The following VRTN variants were observed in gnomAD, a reference collection of about 807,000 sequenced individuals.
VRTN encodes vertnin.
Under a neutral mutation model 18.2 loss-of-function variants are expected in VRTN, and 5 were observed. The observed-to-expected ratio is 0.27, with a 90% CI of 0.14 to 0.58. The LOEUF (loss-of-function observed/expected upper bound fraction) is 0.58. Ranked by LOEUF, VRTN falls within the 20% of genes least tolerant of loss-of-function variation. The pLI is 0.91. For synonymous variants in VRTN, 381 were observed against 393.7 expected (o/e 0.97, Z 0.38); for missense variants, 741 against 939.4 (o/e 0.79, Z 2.76).
intron 1 of VRTN, among the ~76,000 whole-genome samples, chr14:74,304,692 C>A (rs1044308479): frequency 2.0e-5 from 3 of 152,048 alleles, no homozygotes; most frequent in Non-Finnish European, 4.4e-5. Context: ...GGAGAAAGGA[C>A]CAAAATTCCA....
intron 1 of VRTN, among the ~76,000 whole-genome samples, chr14:74,349,906 G>A (rs1864338755): frequency 6.6e-6 from 1 of 152,174 alleles, no homozygotes; most frequent in African/African-American, 2.4e-5. Context: ...TCAGGCAAGA[G>A]GAGGGGATGA....
intron 1 of VRTN, among the ~76,000 whole-genome samples, chr14:74,311,705 C>T (rs927328936): frequency 5.3e-5 from 8 of 151,694 alleles, no homozygotes. Context: ...CCACCGCTCC[C>T]GGCCGCAGCT....
chr14:74,328,651 G>A (rs538688026), intron 1 of VRTN, among the ~76,000 whole-genome samples: 7 of 152,300 alleles, frequency 4.6e-5, no homozygotes, highest in Non-Finnish European at 1.0e-4. Context: ...AAAAAACGAG[G>A]TAATTTTATA....
intron 1 of VRTN, among the ~76,000 whole-genome samples, chr14:74,331,547 TATATATATATATATATATATATATA>T (rs1567041652): frequency 1.9e-4 from 5 of 26,726 alleles, no homozygotes; most frequent in African/African-American, 1.3e-3. Context: ...AAAAATTTTA[TATATATATATATATATATATATATA>T]TATATATATA....
chr14:74,319,370 T>C (rs553616437), intron 1 of VRTN, among the ~76,000 whole-genome samples: 35 of 152,234 alleles, frequency 2.3e-4, no homozygotes, highest in Middle Eastern at 6.8e-3. Context: ...ATTTTGACAA[T>C]AGAGACAATC....
intron 1 of VRTN, among the ~76,000 whole-genome samples, chr14:74,327,378 C>T (rs927924699): frequency 5.3e-5 from 8 of 152,154 alleles, no homozygotes; most frequent in African/African-American, 1.4e-4. Context: ...TTGCACAGTT[C>T]CGCAGTCTGC....
intron 1 of VRTN, chr14:74,306,145 CATATATATATATAT>C (rs71395615): frequency 2.1e-5 from 2 of 94,630 alleles, no homozygotes; most frequent in Non-Finnish European, 3.8e-5. Context: ...TAAAAATATA[CATATATATATATAT>C]ATATATATAT....
chr14:74,322,831 G>C (rs766741439), intron 1 of VRTN, among the ~76,000 whole-genome samples: 6 of 152,112 alleles, frequency 3.9e-5, no homozygotes, highest in Admixed American at 6.6e-5. Context: ...ATGAGTGAAT[G>C]AACTTAAAAA....
At chr14:74,319,790 G>A (rs1324177312) in intron 1 of VRTN, among the ~76,000 whole-genome samples, 1 of 152,212 alleles carries the variant, frequency 6.6e-6, no homozygotes, top group Non-Finnish European at 1.5e-5. Flanking sequence ...TCACCTAAGG[G>A]TTGACTGTAG....
intron 2 of VRTN, among the ~76,000 whole-genome samples, chr14:74,338,881 T>G (rs1472227740): frequency 1.3e-5 from 2 of 152,120 alleles, no homozygotes; most frequent in Non-Finnish European, 2.9e-5. Context: ...TGAGCCACCA[T>G]GCCCGGCTAA....
intron 1 of VRTN, among the ~76,000 whole-genome samples, chr14:74,318,712 T>TCGGGA (rs1491124769): frequency 2.9e-5 from 2 of 68,108 alleles, no homozygotes; most frequent in African/African-American, 1.5e-4. Flanking sequence ...GTGTCCGGCC[T>TCGGGA]TTTTTTTTTT....
At position 74,357,675 on chromosome 14, in the gene VRTN, C is replaced by T. The variant is rs145081542; in HGVS notation, c.892C>T (p.Arg298Cys). The change falls in exon 2 of 2, where the codon CGC becomes TGC. Residue 298 changes from arginine to cysteine, a missense_variant. This residue lies in a region of VRTN where 494 missense variants were observed against 546.5 expected (regional missense o/e 0.90). Coordinates refer to ENST00000256362, the MANE Select transcript of VRTN (RefSeq NM_018228.3). This position sits in a 1 kb window ranked among gnomAD's most constrained non-coding sequence, Gnocchi z 7.8. ...CAGCGTCACCAAAAGCACCTTCTACCGCTGGCGGCGGCAGTCCCAGGAGCA... is the reference window on the plus strand; with the variant it reads ...CAGCGTCACCAAAAGCACCTTCTACTGCTGGCGGCGGCAGTCCCAGGAGCA... ...RYSVTKSTFY[R>C]WRRQSQEHRQ... 93 of 1,613,534 alleles carry T rather than the reference C, an allele frequency of 5.8e-5. No individual in the cohort carries two copies. The highest frequency in any genetic ancestry group is 7.3e-5 in the Non-Finnish European group (86 of 1,179,974).
upstream of VRTN, among the ~76,000 whole-genome samples, chr14:74,346,725 CCTTTA>C (rs1057241856): frequency 1.0e-3 from 153 of 152,194 alleles, 2 homozygotes; most frequent in African/African-American, 3.3e-3. Context: ...ATTTTTCTTC[CCTTTA>C]CTTTACTTTA....
At chr14:74,311,598 C>T (rs984426923) in intron 1 of VRTN, among the ~76,000 whole-genome samples, 28 of 151,906 alleles carry the variant, frequency 1.8e-4, no homozygotes, top group Admixed American at 2.0e-4. Flanking sequence ...TTAGTAAAGA[C>T]GGGGTTTCGC....
At position 74,356,970 on chromosome 14, in the gene VRTN, C is replaced by T. The variant is rs753471857; in HGVS notation, c.187C>T (p.Leu63=). The T allele has an allele frequency of 1.2e-6, 2 of 1,613,246 alleles. No homozygotes were observed. The highest frequency in any genetic ancestry group is 2.7e-5 in the African/African-American group (2 of 75,014). ...GGTGCTGGAAGTGGACTCGGTGGCC[C>T]TGAGCCTGTATCCAGAAGATGCTCC... ...LQVLEVDSVA[L]SLYPEDAPRN... Residue 63 remains leucine, a synonymous_variant, in exon 2 of 2, where the codon CTG becomes TTG. Transcript: ENST00000256362.
At chr14:74,312,755 T>G (rs990248678) in intron 1 of VRTN, among the ~76,000 whole-genome samples, 1 of 27,968 alleles carries the variant, frequency 3.6e-5, no homozygotes, top group African/African-American at 4.4e-4. Flanking sequence ...CTGGCCTGTG[T>G]TTTTTTTTTT....
rs552495859 is a variant in VRTN at position 74,354,762 on chromosome 14, A to T, written c.-1-2021A>T. 2.0e-5 allele frequency among the ~76,000 whole-genome samples: 3 copies of T among 152,174 alleles called. No homozygotes were observed. The East Asian group carries it at 5.8e-4, about 29-fold the overall frequency. On this transcript the variant is annotated intron_variant, in intron 1 of 1. Coordinates refer to ENST00000256362, the MANE Select transcript of VRTN (RefSeq NM_018228.3). ...TACAAGTGCATGACTTTGTAACAGC[A>T]CCCATTGGCTATTTGGAAAATGTTC... is the stretch of plus-strand genomic sequence containing the variant.
Position 74,356,982 on chromosome 14 carries a change from C to G in VRTN, c.199C>G (p.Pro67Ala). 1 of 1,612,190 alleles carries G rather than the reference C, an allele frequency of 6.2e-7. No individual in the cohort carries two copies. Among genetic ancestry groups the G allele is most frequent in the Non-Finnish European group, 8.5e-7 (1 of 1,179,258 alleles). The change falls in exon 2 of 2, where the codon CCA becomes GCA. Residue 67 changes from proline to alanine, a missense_variant. Around this residue, in one of 3 missense-constraint regions of VRTN, gnomAD observed 186 missense variants for 288.3 expected, o/e 0.65. Coordinates refer to ENST00000256362, the MANE Select transcript of VRTN (RefSeq NM_018228.3). Reference sequence around the variant, plus strand: ...GGACTCGGTGGCCCTGAGCCTGTATCCAGAAGATGCTCCACGGAACATGCT... The same window carrying G: ...GGACTCGGTGGCCCTGAGCCTGTATGCAGAAGATGCTCCACGGAACATGCT... ...EVDSVALSLYPEDAPRNMLPL... is the reference protein window; with the variant it reads ...EVDSVALSLYAEDAPRNMLPL...
upstream of VRTN, among the ~76,000 whole-genome samples, chr14:74,344,179 G>T (rs1046733014): frequency 4.4e-5 from 6 of 135,036 alleles, no homozygotes; most frequent in Non-Finnish European, 9.2e-5. Context: ...GAGGCCAAAG[G>T]GGGAGGATCA....
Sources: gnomAD v4.1 joint callset for allele counts (sites outside exome capture counted in the v4.1 genomes callset) on GRCh38, gnomAD v4.1.1 for gene constraint, gnomAD v4.1.1 regional missense constraint, Gnocchi (gnomAD v3.1) non-coding constraint, MANE v1.5 for transcripts, NCBI Gene and HGNC (gene_info 2026-07-23, HGNC 2026-07-21) for gene names.